The following CPNE2 variants were observed in gnomAD, a reference collection of about 807,000 sequenced individuals.
CPNE2 encodes copine-2.
A neutral mutation model predicts 69.7 loss-of-function variants in CPNE2; 42 were observed. The ratio of observed to expected loss-of-function variants is 0.60; its 90% CI spans 0.47 to 0.78. The LOEUF (loss-of-function observed/expected upper bound fraction) is 0.78, where lower values mean the gene tolerates loss of function less well. CPNE2 is among the 30% of genes least tolerant of loss of function. The pLI is 0.00. For missense variants in CPNE2, 587 were observed against 732.0 expected (o/e 0.80, Z 2.29); for synonymous variants, 294 against 289.8 (o/e 1.01, Z -0.15).
At position 57,110,859 on chromosome 16, in the gene CPNE2, T is replaced by C. The variant is rs1357570179; in HGVS notation, c.117T>C (p.Asp39=). Residue 39 remains aspartate (D), a synonymous_variant, in exon 2 of 16, where the codon GAT becomes GAC. Coordinates refer to ENST00000290776, the MANE Select transcript of CPNE2 (RefSeq NM_152727.6). ...GTGGCCAGAACCTACTGGACCGGGA[T>C]GTTACCTCCAAGTCCGACCCCTTCT... ...SVSGQNLLDR[D]VTSKSDPFCV... The C allele has an allele frequency of 1.2e-6, 2 of 1,613,694 alleles. No homozygotes were observed. Among genetic ancestry groups the C allele is most frequent in the African/African-American group, 2.7e-5 (2 of 74,894 alleles).
At chr16:57,120,242 G>A (rs1344967764) in intron 7 of CPNE2, among the ~76,000 whole-genome samples, 1 of 149,960 alleles carries the variant, frequency 6.7e-6, no homozygotes, top group African/African-American at 2.5e-5. Context: ...CTGCACTCCA[G>A]CATGGGTAAC....
chr16:57,124,512 A>C, intron 10 of CPNE2: 8 of 365,524 alleles, frequency 2.2e-5, no homozygotes, highest in South Asian at 3.9e-5. Flanking sequence ...TTTTGCTTCC[A>C]CTCCAACCCC....
Position 57,147,753 on chromosome 16 carries a change from T to C in CPNE2, c.*95T>C. 4.3e-6 allele frequency: 3 copies of C among 700,512 alleles called. No homozygotes were observed. Among genetic ancestry groups the C allele is most frequent in the Non-Finnish European group, 6.4e-6 (3 of 471,860 alleles). The allele number at this position is 700,512 out of a possible 1,614,324, so 43.4% of individuals were successfully genotyped here. ...TGCTTCCTTGTGGGTGGCCTTTTTT[T>C]ACCGATCCCCTTTTTTATTTTTTAC... On this transcript the variant is annotated 3_prime_UTR_variant, in exon 16 of 16. Coordinates refer to ENST00000290776, the MANE Select transcript of CPNE2 (RefSeq NM_152727.6).
chr16:57,122,072 G>A (rs771267198), intron 9 of CPNE2, among the ~76,000 whole-genome samples: 9 of 152,322 alleles, frequency 5.9e-5, no homozygotes, highest in African/African-American at 1.4e-4. Context: ...AGTTGCTGCC[G>A]CCCACGGTGG....
chr16:57,099,499 C>G (rs1374243591), intron 1 of CPNE2, among the ~76,000 whole-genome samples: 2 of 151,588 alleles, frequency 1.3e-5, no homozygotes, highest in Non-Finnish European at 2.9e-5. Context: ...TTTCCACTCC[C>G]TCTGGCAACC....
rs193160367 is a variant in CPNE2, at chr16:57,113,344, C to T, written c.237C>T (p.Phe79=). 3.3e-5 allele frequency: 54 copies of T among 1,614,198 alleles called. 1 individual carries two copies. The Admixed American group carries it at 4.8e-4, about 14-fold the overall frequency. Residue 79 remains phenylalanine, a synonymous_variant, in exon 3 of 16, where the codon TTC becomes TTT. Coordinates refer to ENST00000290776, the MANE Select transcript of CPNE2 (RefSeq NM_152727.6). Reference sequence around the variant, plus strand: ...TCAACCCCGCCTTCTCCAAGAAGTTCGTGCTTGACTACCACTTCGAGGAGG... The same window carrying T: ...TCAACCCCGCCTTCTCCAAGAAGTTTGTGCTTGACTACCACTTCGAGGAGG... The part of the protein sequence containing the change: ...NNLNPAFSKK[F]VLDYHFEEVQ...
At chr16:57,127,708 C>T in intron 11 of CPNE2, 141 bp from the exon 12 acceptor site, 3 of 809,428 alleles carry the variant, frequency 3.7e-6, no homozygotes, top group Non-Finnish European at 6.1e-6. Flanking sequence ...GTAGATGATC[C>T]TAACAGCTTT....
intron 9 of CPNE2, chr16:57,123,162 C>T: frequency 1.9e-6 from 1 of 531,616 alleles, no homozygotes; most frequent in Non-Finnish European, 3.4e-6. Context: ...GCCCTGGCAC[C>T]CTGCCTGGAA....
At position 57,127,945 on chromosome 16, in the gene CPNE2, G is replaced by A. The variant is rs920815474; in HGVS notation, c.1116+42G>A. The stretch of plus-strand genomic sequence containing the variant: ...TTAGTTTCCTTTTGGTTGAGATGGG[G>A]TTTGTGTGTGTGGCCTCTCGGGGAT... On this transcript the variant is annotated intron_variant, in intron 12 of 15. Coordinates refer to ENST00000290776, the MANE Select transcript of CPNE2 (RefSeq NM_152727.6). 9 of 1,595,646 alleles carry A rather than the reference G, an allele frequency of 5.6e-6. No homozygotes were observed. The Admixed American group carries it at 1.0e-4, about 18-fold the overall frequency.
chr16:57,102,530 A>G (rs1268668520), intron 1 of CPNE2, among the ~76,000 whole-genome samples: 2 of 151,800 alleles, frequency 1.3e-5, no homozygotes, highest in East Asian at 2.0e-4. Context: ...GGGCTTCCCT[A>G]TGCTGTGTCC....
intron 12 of CPNE2, among the ~76,000 whole-genome samples, chr16:57,132,955 G>T (rs1051880856): frequency 5.9e-5 from 9 of 152,210 alleles, no homozygotes; most frequent in African/African-American, 1.7e-4. Context: ...GATGAAGAGC[G>T]GGGGGCCCGA....
intron 1 of CPNE2, among the ~76,000 whole-genome samples, chr16:57,108,644 A>C (rs2069662113): frequency 6.6e-6 from 1 of 152,232 alleles, no homozygotes; most frequent in Non-Finnish European, 1.5e-5. Flanking sequence ...CAGATGGGAA[A>C]CTGAGGCAGA....
At chr16:57,121,011 G>A in intron 7 of CPNE2, 82 bp from the exon 8 acceptor site, 1 of 987,040 alleles carries the variant, frequency 1.0e-6, no homozygotes, top group Non-Finnish European at 1.5e-6. Flanking sequence ...AGAAGACAGA[G>A]GGTTTGCTTG....
At chr16:57,115,422 T>C in intron 3 of CPNE2, 54 bp from the exon 4 acceptor site, 1 of 1,446,174 alleles carries the variant, frequency 6.9e-7, no homozygotes. Flanking sequence ...GGATTTTTCC[T>C]TCCCGGGCTT....
intron 1 of CPNE2, among the ~76,000 whole-genome samples, chr16:57,102,101 C>G (rs1221959111): frequency 6.6e-6 from 1 of 151,450 alleles, no homozygotes; most frequent in Non-Finnish European, 1.5e-5. Context: ...GCACATGCCA[C>G]CATGCCCAGC....
chr16:57,100,786 C>A (rs2069608268), intron 1 of CPNE2, among the ~76,000 whole-genome samples: 1 of 152,198 alleles, frequency 6.6e-6, no homozygotes, highest in Admixed American at 6.5e-5. Context: ...TGGCCACACC[C>A]ACCTTCACCC....
chr16:57,103,708 C>T (rs2069630332), intron 1 of CPNE2, among the ~76,000 whole-genome samples: 1 of 152,214 alleles, frequency 6.6e-6, no homozygotes, highest in Non-Finnish European at 1.5e-5. Context: ...GGAGGTCCCC[C>T]CACCCAGCCG....
intron 4 of CPNE2, among the ~76,000 whole-genome samples, chr16:57,117,193 C>CG (rs2069725328): frequency 6.6e-6 from 1 of 152,088 alleles, no homozygotes; most frequent in Non-Finnish European, 1.5e-5. Context: ...AACCTCTCCC[C>CG]GGGACTCAAG....
intron 2 of CPNE2, among the ~76,000 whole-genome samples, chr16:57,111,191 T>A (rs1047436506): frequency 1.1e-4 from 16 of 151,792 alleles, no homozygotes; most frequent in African/African-American, 3.9e-4. Flanking sequence ...TCTTTTTTTT[T>A]TTTTTGAGAC....
Sources: gnomAD v4.1 joint callset for allele counts (sites outside exome capture counted in the v4.1 genomes callset) on GRCh38, gnomAD v4.1.1 for gene constraint, MANE v1.5 for transcripts, NCBI Gene and HGNC (gene_info 2026-07-23, HGNC 2026-07-21) for gene names.